The following BMPR2 variants were observed in gnomAD, a reference collection of about 807,000 sequenced individuals.
The protein encoded by BMPR2 is bone morphogenetic protein receptor type-2.
Under a neutral mutation model 100.8 loss-of-function variants are expected in BMPR2, and 29 were observed. That is an observed-to-expected ratio of 0.29 (90% CI 0.21 to 0.39). The LOEUF (loss-of-function observed/expected upper bound fraction) is 0.39, where lower values mean the gene tolerates loss of function less well. BMPR2 is among the 10% of genes least tolerant of loss of function. BMPR2 has a pLI of 1.00. For synonymous variants in BMPR2, 382 were observed against 442.3 expected (o/e 0.86, Z 1.71); for missense variants, 1,011 against 1,274.5 (o/e 0.79, Z 3.15).
Position 202,556,858 on chromosome 2 carries a change from G to A in BMPR2, c.2866+327G>A, listed in dbSNP as rs191318596. On this transcript the variant is annotated intron_variant, in intron 12 of 12. Transcript: ENST00000374580. ...CCAGCACTTTGGGAGGCCAAGGCGG[G>A]CAGATTACTTGAGATCAGGAGTTCA... Among the ~76,000 whole-genome samples the A allele has an allele frequency of 3.8e-4, 58 of 150,976 alleles. 1 individual carries two copies. Among genetic ancestry groups the A allele is most frequent in the Admixed American group, 8.6e-4 (13 of 15,068 alleles).
intron 10 of BMPR2, among the ~76,000 whole-genome samples, chr2:202,545,263 C>A (rs1185133796): frequency 6.8e-6 from 1 of 147,986 alleles, no homozygotes; most frequent in Non-Finnish European, 1.5e-5. Context: ...AAGATTTACT[C>A]AGCTTTATCT....
chr2:202,398,677 G>C (rs761595083), intron 1 of BMPR2, among the ~76,000 whole-genome samples: 13 of 152,156 alleles, frequency 8.5e-5, no homozygotes, highest in Non-Finnish European at 1.6e-4. Context: ...ATACTATAAG[G>C]AGATATTGAG....
intron 1 of BMPR2, among the ~76,000 whole-genome samples, chr2:202,429,183 C>G (rs1691453025): frequency 6.6e-6 from 1 of 152,134 alleles, no homozygotes; most frequent in African/African-American, 2.4e-5. Flanking sequence ...CCCCCAATCT[C>G]TTTTTCATAC....
chr2:202,432,953 A>C (rs115058655), intron 1 of BMPR2, among the ~76,000 whole-genome samples: 12 of 150,550 alleles, frequency 8.0e-5, no homozygotes, highest in Non-Finnish European at 1.3e-4. Context: ...GCCTTATTCC[A>C]TATATAGCCA....
intron 10 of BMPR2, among the ~76,000 whole-genome samples, chr2:202,543,557 G>A (rs1429435681): frequency 6.6e-6 from 1 of 151,416 alleles, no homozygotes; most frequent in Non-Finnish European, 1.5e-5. Flanking sequence ...GATAATTATT[G>A]TATTAAAAAG....
intron 9 of BMPR2, among the ~76,000 whole-genome samples, chr2:202,541,590 G>A (rs1306962558): frequency 6.6e-6 from 1 of 152,112 alleles, no homozygotes; most frequent in Non-Finnish European, 1.5e-5. Flanking sequence ...TGGTTCTGTA[G>A]GCATATTTGT....
At chr2:202,446,675 A>G (rs945064866) in intron 1 of BMPR2, among the ~76,000 whole-genome samples, 1 of 147,904 alleles carries the variant, frequency 6.8e-6, no homozygotes, top group African/African-American at 2.6e-5. Context: ...TTTTTGAAAC[A>G]GAGTCTTGCT....
chr2:202,429,195 C>G (rs1691453336), intron 1 of BMPR2, among the ~76,000 whole-genome samples: 1 of 152,146 alleles, frequency 6.6e-6, no homozygotes, highest in Non-Finnish European at 1.5e-5. Flanking sequence ...TTTTCATACT[C>G]CGCCAGAGTA....
At position 202,377,411 on chromosome 2, in the gene BMPR2, T is replaced by A. The variant is rs1322841551; in HGVS notation, c.-64T>A. ...GAGAGAAGACGAGCCTCCCGGCTGT[T>A]TCTCCGCCGGTCTACTTCCCATATT... is the stretch of plus-strand genomic sequence containing the variant. On this transcript the variant is annotated 5_prime_UTR_variant, in exon 1 of 13. Transcript: ENST00000374580. 1.3e-6 allele frequency: 2 copies of A among 1,518,612 alleles called. No individual in the cohort carries two copies. Among genetic ancestry groups the A allele is most frequent in the East Asian group, 4.5e-5 (2 of 44,474 alleles). 94.1% of individuals were successfully genotyped at this position (1,518,612 alleles called of 1,614,324 possible). A position where few individuals can be genotyped will look rare whatever the true frequency, so the allele number is the denominator to read the frequency against.
rs545858304 is a variant in BMPR2, at chr2:202,495,690, G to A, written c.419-18029G>A. ...ACCCATTACTTACCTCCCCACTTCC[G>A]TGTCATTTAAGGAGGGCACACTGTT... On this transcript the variant is annotated intron_variant, in intron 3 of 12. Transcript: ENST00000374580. The surrounding 1 kb of genome is among the most constrained non-coding windows in gnomAD (Gnocchi z 4.5). 2.6e-5 allele frequency among the ~76,000 whole-genome samples: 4 copies of A among 152,222 alleles called. No individual in the cohort carries two copies. Among genetic ancestry groups the A allele is most frequent in the Admixed American group, 2.0e-4 (3 of 15,288 alleles).
chr2:202,449,308 C>CAAATAAATAAATAAAT (rs200671172), intron 1 of BMPR2, among the ~76,000 whole-genome samples: 3 of 142,980 alleles, frequency 2.1e-5, no homozygotes, highest in South Asian at 2.3e-4. Flanking sequence ...AACTCCATCT[C>CAAATAAATAAATAAAT]AAATAAATAA....
At chr2:202,534,763 A>G (rs1373805399) in intron 9 of BMPR2, among the ~76,000 whole-genome samples, 1 of 152,030 alleles carries the variant, frequency 6.6e-6, no homozygotes, top group Non-Finnish European at 1.5e-5. Flanking sequence ...CCCGTTCTCA[A>G]TGAGCTGTTG....
chr2:202,377,412 T>C lies in BMPR2; in HGVS notation c.-63T>C. 1 of 1,522,068 alleles carries C rather than the reference T, an allele frequency of 6.6e-7. No individual in the cohort carries two copies. The highest frequency in any genetic ancestry group is 1.1e-5 in the South Asian group (1 of 89,248). 94.3% of individuals were successfully genotyped at this position (1,522,068 alleles called of 1,614,324 possible). On this transcript the variant is annotated 5_prime_UTR_variant, in exon 1 of 13. Transcript: ENST00000374580. ...AGAGAAGACGAGCCTCCCGGCTGTT[T>C]CTCCGCCGGTCTACTTCCCATATTT... is the stretch of plus-strand genomic sequence containing the variant.
chr2:202,461,432 C>T (rs897119735), intron 1 of BMPR2, among the ~76,000 whole-genome samples: 4 of 152,072 alleles, frequency 2.6e-5, no homozygotes, highest in Non-Finnish European at 5.9e-5. Flanking sequence ...TGCAGTGAGT[C>T]GAGATCATGC....
intron 1 of BMPR2, among the ~76,000 whole-genome samples, chr2:202,382,338 G>A (rs1690320906): frequency 6.6e-6 from 1 of 152,102 alleles, no homozygotes; most frequent in Non-Finnish European, 1.5e-5. Flanking sequence ...GATTACAGGT[G>A]TGAGCCACCA....
chr2:202,548,772 CATT>C (rs1688420802), intron 10 of BMPR2, among the ~76,000 whole-genome samples: 1 of 152,030 alleles, frequency 6.6e-6, no homozygotes, highest in South Asian at 2.1e-4. Context: ...ATTAAGGTAT[CATT>C]ATTTACCTAT....
intron 1 of BMPR2, among the ~76,000 whole-genome samples, chr2:202,393,884 A>AGAGC (rs1382683483): frequency 9.1e-4 from 25 of 27,468 alleles, no homozygotes; most frequent in African/African-American, 4.4e-3. Context: ...TGAGAGAGCG[A>AGAGC]GAGAGAGAGA....
intron 1 of BMPR2, among the ~76,000 whole-genome samples, chr2:202,390,115 C>T (rs1256608512): frequency 1.3e-5 from 2 of 151,716 alleles, no homozygotes; most frequent in African/African-American, 2.4e-5. Context: ...AAATAAATAT[C>T]TGTATAATTA....
chr2:202,429,374 C>T (rs958841081), intron 1 of BMPR2, among the ~76,000 whole-genome samples: 4 of 152,182 alleles, frequency 2.6e-5, no homozygotes, highest in South Asian at 4.1e-4. Flanking sequence ...CTTTCCCACT[C>T]TGCATTCCAG....
Sources: allele counts gnomAD v4.1 joint callset (sites outside exome capture counted in the v4.1 genomes callset), GRCh38; gene constraint gnomAD v4.1.1; non-coding constraint Gnocchi (gnomAD v3.1); transcripts MANE v1.5; gene names NCBI Gene and HGNC (gene_info 2026-07-23, HGNC 2026-07-21).